Variants in CAMK2B observed in about 807,000 individuals in gnomAD.
CAMK2B encodes the protein calcium/calmodulin dependent protein kinase II beta.
CAMK2B carries 27 observed loss-of-function variants against 93.7 expected under a neutral mutation model. The ratio of observed to expected loss-of-function variants is 0.29; its 90% CI spans 0.21 to 0.40. CAMK2B has a LOEUF of 0.40. CAMK2B is among the 10% of genes least tolerant of loss of function. CAMK2B has a pLI of 1.00. For synonymous variants in CAMK2B, 374 were observed against 358.8 expected, an observed-to-expected ratio of 1.04 and a Z score of -0.48; for missense variants, 568 against 895.8, an observed-to-expected ratio of 0.63 and a Z score of 4.67.
chr7:44,219,973 A>T, intron 23 of CAMK2B, 87 bp downstream of exon 23: 1 of 1,138,688 alleles, frequency 8.8e-7, no homozygotes. Context: ...CACAGGCCCC[A>T]CCGCTCCCCA....
At chr7:44,291,276 G>A (rs934182648) in intron 1 of CAMK2B, among the ~76,000 whole-genome samples, 2 of 152,096 alleles carry the variant, frequency 1.3e-5, no homozygotes, top group Non-Finnish European at 2.9e-5. Context: ...GAGGAGTTTC[G>A]GACAAGCAGG....
chr7:44,297,219 T>A (rs1054599599), intron 1 of CAMK2B, among the ~76,000 whole-genome samples: 2 of 152,152 alleles, frequency 1.3e-5, no homozygotes, highest in African/African-American at 4.8e-5. Flanking sequence ...GTAGTGTTAT[T>A]TGAGAGTGGG....
intron 1 of CAMK2B, among the ~76,000 whole-genome samples, chr7:44,290,172 C>T (rs1365150696): frequency 6.6e-6 from 1 of 152,240 alleles, no homozygotes; most frequent in South Asian, 2.1e-4. Context: ...CAAGGCCACA[C>T]GCAATTCCAG....
Position 44,243,446 on chromosome 7 carries a change from C to T in CAMK2B, c.496G>A (p.Gly166Arg). ...ADFGLAIEVQ[G>R]DQQAWFGFAG... ...TCACCAAACCATGCCTGCTGGTCCC[C>T]CTGCACCTCGATAGCTAGGCCGAAG... The change falls in exon 7 of 24, where the codon GGG (glycine) becomes AGG (arginine). Residue 166 changes from glycine to arginine, a missense_variant. This residue lies in a region of CAMK2B where 105 missense variants were observed against 372.4 expected (regional missense o/e 0.28). Transcript: ENST00000395749. 1 of 1,614,144 alleles carries T rather than the reference C, an allele frequency of 6.2e-7. No individual in the cohort carries two copies. The highest frequency in any genetic ancestry group is 2.2e-5 in the East Asian group (1 of 44,882).
At chr7:44,227,129 A>C (rs192282344) in intron 19 of CAMK2B, among the ~76,000 whole-genome samples, 1 of 390 alleles carries the variant, frequency 2.6e-3, no homozygotes, top group East Asian at 0.05. Flanking sequence ...GGGAGTGTGG[A>C]GGACAGAGGG....
chr7:44,261,294 G>A (rs1364039543), intron 3 of CAMK2B, among the ~76,000 whole-genome samples: 1 of 152,262 alleles, frequency 6.6e-6, no homozygotes, highest in East Asian at 1.9e-4. Context: ...CCCCACCTGG[G>A]ACATGCTTCA....
chr7:44,240,106 A>G lies in CAMK2B; in HGVS notation c.947-443T>C, dbSNP rs1294914267. 2.0e-5 allele frequency among the ~76,000 whole-genome samples: 3 copies of G among 152,166 alleles called. No homozygotes were observed. The East Asian group carries it at 5.8e-4, about 30-fold the overall frequency. ...CGGACGACGGAGAAGCCACAGGTAC[A>G]GCTTGTCCAGACCTGGGCTGCCGGC... is the stretch of plus-strand genomic sequence containing the variant. On this transcript the variant is annotated intron_variant, in intron 12 of 23. Coordinates refer to ENST00000395749, the MANE Select transcript of CAMK2B (RefSeq NM_001220.5).
chr7:44,238,110 G>C (rs1268337865), intron 13 of CAMK2B, among the ~76,000 whole-genome samples: 1 of 152,228 alleles, frequency 6.6e-6, no homozygotes, highest in East Asian at 1.9e-4. Flanking sequence ...ACTGCCGTGT[G>C]ATATGGCTGA....
chr7:44,250,764 G>C (rs997929882), intron 5 of CAMK2B, among the ~76,000 whole-genome samples: 3 of 152,208 alleles, frequency 2.0e-5, no homozygotes, highest in African/African-American at 7.2e-5. Context: ...TCCTGACCTT[G>C]TGATCCGCCC....
intron 4 of CAMK2B, among the ~76,000 whole-genome samples, chr7:44,258,216 T>C (rs2096850518): frequency 6.6e-6 from 1 of 152,242 alleles, no homozygotes; most frequent in African/African-American, 2.4e-5. Context: ...CACTCACACA[T>C]GCACATTCAT....
chr7:44,225,876 G>A lies in CAMK2B; in HGVS notation c.1597+640C>T, dbSNP rs1022558099. On this transcript the variant is annotated intron_variant, in intron 20 of 23. Transcript: ENST00000395749. The surrounding 1 kb of genome is among the most constrained non-coding windows in gnomAD (Gnocchi z 5.0). The stretch of plus-strand genomic sequence containing the variant: ...CACAGGTGGGGGTGGCAGCAGCCCT[G>A]GGATGTCATCCATCCCTGTAAGTGA... 3.1e-6 allele frequency: 4 copies of A among 1,289,200 alleles called. No individual in the cohort carries two copies. The highest frequency in any genetic ancestry group is 4.6e-5 in the Admixed American group (2 of 43,524). The allele number at this position is 1,289,200 out of a possible 1,614,324, so 79.9% of individuals were successfully genotyped here. A position where few individuals can be genotyped will look rare whatever the true frequency, so the allele number is the denominator to read the frequency against.
chr7:44,232,679 T>G, intron 16 of CAMK2B, 143 bp downstream of exon 16: 1 of 774,826 alleles, frequency 1.3e-6, no homozygotes. Flanking sequence ...GAAGACGGAC[T>G]GGGGCCCTAC....
intron 3 of CAMK2B, 105 bp from the exon 4 acceptor site, chr7:44,259,031 G>T (rs1385866372): frequency 2.9e-6 from 3 of 1,046,560 alleles, no homozygotes; most frequent in African/African-American, 3.2e-5. Flanking sequence ...AAGCCCTAGG[G>T]CTGCCCAGAG....
In CAMK2B at chr7:44,311,152, C is replaced by A. The variant is rs1793439755; in HGVS notation, c.65+14205G>T. 1.3e-5 allele frequency among the ~76,000 whole-genome samples: 2 copies of A among 152,140 alleles called. No homozygotes were observed. Among genetic ancestry groups the A allele is most frequent in the Admixed American group, 1.3e-4 (2 of 15,280 alleles). On this transcript the variant is annotated intron_variant, in intron 1 of 23. Transcript: ENST00000395749. This position sits in a 1 kb window ranked among gnomAD's most constrained non-coding sequence, Gnocchi z 4.2. ...GCAATGGCGTGATCTCGGCTCACTGCAACCTCTGCAACCCCCTGGTTCAAG... is the reference window on the plus strand; with the variant it reads ...GCAATGGCGTGATCTCGGCTCACTGAAACCTCTGCAACCCCCTGGTTCAAG...
At chr7:44,278,700 C>T (rs921291411) in intron 2 of CAMK2B, among the ~76,000 whole-genome samples, 7 of 152,210 alleles carry the variant, frequency 4.6e-5, no homozygotes, top group Non-Finnish European at 1.0e-4. Flanking sequence ...CTCAGCAGAC[C>T]GTCCAGCGCT....
chr7:44,223,978 T>C (rs940447495), intron 20 of CAMK2B, among the ~76,000 whole-genome samples: 1 of 152,250 alleles, frequency 6.6e-6, no homozygotes, highest in African/African-American at 2.4e-5. Flanking sequence ...CCAGTCTGCT[T>C]TGGTTCTATA....
At chr7:44,255,854 C>T (rs1051365244) in intron 4 of CAMK2B, among the ~76,000 whole-genome samples, 22 of 152,208 alleles carry the variant, frequency 1.4e-4, no homozygotes, top group Non-Finnish European at 7.3e-5. Flanking sequence ...TCCAGCTAAA[C>T]GCATGCCCTG....
chr7:44,275,317 C>T (rs1029736129), intron 2 of CAMK2B, among the ~76,000 whole-genome samples: 2 of 152,246 alleles, frequency 1.3e-5, no homozygotes, highest in Non-Finnish European at 1.5e-5. Context: ...CAGGGCCACA[C>T]CCAGAACCAG....
At chr7:44,236,356 C>T (rs2096626182) in intron 13 of CAMK2B, among the ~76,000 whole-genome samples, 1 of 152,260 alleles carries the variant, frequency 6.6e-6, no homozygotes, top group South Asian at 2.1e-4. Flanking sequence ...CCAGCCTCCC[C>T]TTCCTCACAG....
Sources: gnomAD v4.1 joint callset for allele counts (sites outside exome capture counted in the v4.1 genomes callset) on GRCh38, gnomAD v4.1.1 for gene constraint, gnomAD v4.1.1 regional missense constraint, Gnocchi (gnomAD v3.1) non-coding constraint, MANE v1.5 for transcripts, NCBI Gene and HGNC (gene_info 2026-07-23, HGNC 2026-07-21) for gene names.